Variants in ASXL3 observed in about 807,000 individuals in gnomAD.
ASXL3 encodes ASXL transcriptional regulator 3, also known as putative Polycomb group protein ASXL3.
A neutral mutation model predicts 170.6 loss-of-function variants in ASXL3; 34 were observed. The ratio of observed to expected loss-of-function variants is 0.20; its 90% CI spans 0.15 to 0.27. ASXL3 has a LOEUF of 0.27. Ranked by LOEUF, ASXL3 falls within the 10% of genes least tolerant of loss-of-function variation. The pLI is 1.00. For missense variants in ASXL3, 2,592 were observed against 2,695.3 expected (o/e 0.96, Z 0.85); for synonymous variants, 1,002 against 989.1 (o/e 1.01, Z -0.24).
intron 8 of ASXL3, among the ~76,000 whole-genome samples, chr18:33,719,767 A>G (rs1486903345): frequency 1.3e-5 from 2 of 152,180 alleles, no homozygotes; most frequent in South Asian, 4.1e-4. Flanking sequence ...TGGAGGCAAC[A>G]GCAAGAAGAC....
intron 8 of ASXL3, 40 bp from the exon 9 acceptor site, chr18:33,731,927 AT>A (rs1351122757): frequency 6.4e-7 from 1 of 1,560,502 alleles, no homozygotes; most frequent in African/African-American, 1.4e-5. Context: ...GCTTTGACTT[AT>A]TCCTGATGGA....
At chr18:33,661,549 G>T in intron 4 of ASXL3, 67 bp from the exon 5 acceptor site, 1 of 1,460,368 alleles carries the variant, frequency 6.8e-7, no homozygotes, top group Non-Finnish European at 9.3e-7. Flanking sequence ...AGCTCCAAGT[G>T]TGTAATTACA....
Position 33,743,711 on chromosome 18 carries a change from C to A in ASXL3, c.3863C>A (p.Thr1288Asn). The change falls in exon 12 of 12, where the codon ACT becomes AAT. Residue 1288 changes from threonine to asparagine, a missense_variant. By Grantham distance (65) the Thr-to-Asn change is moderately conservative (BLOSUM62 0). Around this residue, in one of 4 missense-constraint regions of ASXL3, gnomAD observed 2,246 missense variants for 2,219.6 expected, o/e 1.01. Coordinates refer to ENST00000269197, the MANE Select transcript of ASXL3 (RefSeq NM_030632.3). ...AGCATGTTAAAAACCATCCAGGGAACTGACACTCCATGCATAGCCATTATA... is the reference window on the plus strand; with the variant it reads ...AGCATGTTAAAAACCATCCAGGGAAATGACACTCCATGCATAGCCATTATA... ...NISMLKTIQG[T>N]DTPCIAIIPK... The A allele has an allele frequency of 1.2e-6, 2 of 1,613,868 alleles. No individual in the cohort carries two copies. Among genetic ancestry groups the A allele is most frequent in the Non-Finnish European group, 1.7e-6 (2 of 1,179,902 alleles).
chr18:33,719,977 A>G (rs2067232443), intron 8 of ASXL3, among the ~76,000 whole-genome samples: 2 of 151,986 alleles, frequency 1.3e-5, no homozygotes, highest in Admixed American at 6.6e-5. Flanking sequence ...CAGTTAGTCT[A>G]TTATTATTGT....
chr18:33,676,094 G>T (rs879694685), intron 7 of ASXL3, among the ~76,000 whole-genome samples: 1 of 151,412 alleles, frequency 6.6e-6, no homozygotes, highest in Non-Finnish European at 1.5e-5. Context: ...TATGGTGGCA[G>T]GCACCTGTAG....
intron 1 of ASXL3, among the ~76,000 whole-genome samples, chr18:33,585,848 T>A (rs888392904): frequency 6.6e-6 from 1 of 152,216 alleles, no homozygotes. Context: ...ATACAATTAT[T>A]ATTGCTTTAT....
chr18:33,669,981 C>A (rs9950161), intron 5 of ASXL3, among the ~76,000 whole-genome samples: 3,529 of 152,222 alleles, frequency 0.023, 136 homozygotes, highest in African/African-American at 0.081. Context: ...ACACAAAGTG[C>A]TCCCATTTGG....
At chr18:33,637,274 C>T (rs1442032016) in intron 2 of ASXL3, among the ~76,000 whole-genome samples, 4 of 152,010 alleles carry the variant, frequency 2.6e-5, no homozygotes, top group Non-Finnish European at 4.4e-5. Flanking sequence ...CCATGATAGG[C>T]GTTGTTGCTA....
intron 8 of ASXL3, among the ~76,000 whole-genome samples, chr18:33,699,196 T>C (rs1457581117): frequency 2.0e-5 from 3 of 152,144 alleles, no homozygotes; most frequent in Non-Finnish European, 4.4e-5. Flanking sequence ...GAAAATCTTC[T>C]ATGAAATGCT....
At chr18:33,690,488 A>G (rs2066670403) in intron 8 of ASXL3, among the ~76,000 whole-genome samples, 1 of 152,210 alleles carries the variant, frequency 6.6e-6, no homozygotes. Flanking sequence ...TGTAGAAGAA[A>G]GTATGTGAGC....
intron 2 of ASXL3, among the ~76,000 whole-genome samples, chr18:33,613,276 T>G (rs950721800): frequency 5.3e-5 from 8 of 152,122 alleles, no homozygotes; most frequent in African/African-American, 1.9e-4. Flanking sequence ...ACCATACTTT[T>G]TGCAATTCTT....
At chr18:33,730,409 A>G (rs1218947349) in intron 8 of ASXL3, among the ~76,000 whole-genome samples, 1 of 152,108 alleles carries the variant, frequency 6.6e-6, no homozygotes, top group Non-Finnish European at 1.5e-5. Context: ...ATGATAGTGC[A>G]AAGGTTCTTT....
chr18:33,607,542 C>T, intron 1 of ASXL3, 52 bp from the exon 2 acceptor site: 1 of 1,380,618 alleles, frequency 7.2e-7, no homozygotes, highest in South Asian at 1.3e-5. Context: ...CATACATTTT[C>T]ATTTTGTATG....
rs2066194663 is a variant in ASXL3 at position 33,662,751 on chromosome 18, C to G, written c.477+1014C>G. Among the ~76,000 whole-genome samples, 4 of 152,100 alleles carry G rather than the reference C, an allele frequency of 2.6e-5. No individual in the cohort carries two copies. The South Asian group carries it at 8.3e-4, about 31-fold the overall frequency. ...TTCAGCCACCCATTGATGACCTTTA[C>G]CAGATCCAGGATTAGAGGTATCATT... On this transcript the variant is annotated intron_variant, in intron 5 of 11. Transcript: ENST00000269197.
intron 2 of ASXL3, among the ~76,000 whole-genome samples, chr18:33,644,480 T>G (rs1294598122): frequency 6.8e-6 from 1 of 148,038 alleles, no homozygotes; most frequent in East Asian, 2.0e-4. Context: ...GTTTTTTTGT[T>G]TTTTTTTTTT....
chr18:33,717,769 G>C (rs926268604), intron 8 of ASXL3, among the ~76,000 whole-genome samples: 1 of 152,024 alleles, frequency 6.6e-6, no homozygotes, highest in Admixed American at 6.6e-5. Context: ...TTTGGCCTTA[G>C]AGGATGATAG....
rs754426261 is a variant in ASXL3, at chr18:33,743,886, C to T, written c.4038C>T (p.Ile1346=). Residue 1346 remains isoleucine (I), a synonymous_variant, in exon 12 of 12, where the codon ATC becomes ATT. Transcript: ENST00000269197. ...ACACCTCTGTGCCAACTCCCTCCAT[C>T]GGAAACAATTTGCCAAACCTCTCCA... ...TQYTSVPTPS[I]GNNLPNLSTS... is the part of the protein sequence containing the mutation. The T allele has an allele frequency of 1.9e-5, 30 of 1,613,898 alleles. No individual in the cohort carries two copies. The South Asian group carries it at 2.3e-4, about 12-fold the overall frequency.
chr18:33,601,727 A>G (rs1439195664), intron 1 of ASXL3, among the ~76,000 whole-genome samples: 2 of 146,360 alleles, frequency 1.4e-5, no homozygotes, highest in African/African-American at 2.5e-5. Context: ...GACAGGTCCT[A>G]TACCAAGGGA....
At chr18:33,607,795 A>G in intron 2 of ASXL3, 119 bp downstream of exon 2, 1 of 764,944 alleles carries the variant, frequency 1.3e-6, no homozygotes, top group Non-Finnish European at 2.1e-6. Context: ...AACTCCCCAC[A>G]AATTCTTTCT....
Sources: allele counts gnomAD v4.1 joint callset (sites outside exome capture counted in the v4.1 genomes callset), GRCh38; gene constraint gnomAD v4.1.1; regional missense constraint gnomAD v4.1.1; transcripts MANE v1.5; gene names NCBI Gene and HGNC (gene_info 2026-07-23, HGNC 2026-07-21).